Variants in DSG4 observed in about 807,000 individuals in gnomAD.
DSG4 encodes the protein desmoglein-4.
In DSG4, 87 loss-of-function variants were observed where a neutral mutation model predicts 93.1. The ratio of observed to expected loss-of-function variants is 0.93; its 90% CI spans 0.79 to 1.12. DSG4 has a LOEUF of 1.12. Among genes scored for constraint, DSG4 ranks in the 50% most tolerant of loss-of-function variants. The pLI is 0.00. For missense variants in DSG4, 1,373 were observed against 1,285.7 expected, an observed-to-expected ratio of 1.07 and a Z score of -1.04; for synonymous variants, 432 against 452.9, an observed-to-expected ratio of 0.95 and a Z score of 0.59.
rs76399598 is a variant in DSG4, at chr18:31,388,918, G to T, written c.417G>T (p.Arg139Ser). ...ATTCACGGGGTGAAGATTTAGAAAG[G>T]CCTCTTGAGCTTAGAGTCAAAGTTA... ...ALNSRGEDLE[R>S]PLELRVKVMD... is the part of the protein sequence containing the mutation. Residue 139 changes from arginine to serine, a missense_variant, in exon 5 of 16, where the codon AGG (arginine) becomes AGT (serine). By Grantham distance (110) the Arg-to-Ser change is moderately radical (BLOSUM62 -1). Coordinates refer to ENST00000308128, the MANE Select transcript of DSG4 (RefSeq NM_177986.5). 5.6e-6 allele frequency: 9 copies of T among 1,613,628 alleles called. No homozygotes were observed. Among genetic ancestry groups the T allele is most frequent in the East Asian group, 2.2e-5 (1 of 44,844 alleles).
At chr18:31,394,367 C>T (rs756470308) in intron 8 of DSG4, among the ~76,000 whole-genome samples, 10 of 152,246 alleles carry the variant, frequency 6.6e-5, no homozygotes, top group Non-Finnish European at 1.2e-4. Flanking sequence ...CACCTGAAGT[C>T]GGGAGTTTGA....
At chr18:31,402,093 A>G (rs975523431) in intron 10 of DSG4, among the ~76,000 whole-genome samples, 1 of 152,224 alleles carries the variant, frequency 6.6e-6, no homozygotes, top group African/African-American at 2.4e-5. Context: ...TTCAAATGCT[A>G]GAATAAATAA....
chr18:31,412,772 C>A, intron 15 of DSG4, 56 bp from the exon 16 acceptor site: 3 of 1,592,614 alleles, frequency 1.9e-6, no homozygotes, highest in Non-Finnish European at 2.6e-6. Flanking sequence ...TGCTGTTATT[C>A]TTCCTTATTT....
intron 2 of DSG4, among the ~76,000 whole-genome samples, chr18:31,386,466 C>T (rs143911363): frequency 6.6e-6 from 1 of 152,126 alleles, no homozygotes; most frequent in Admixed American, 6.6e-5. Context: ...ATTTGTTTCA[C>T]TAGAATCAAA....
chr18:31,411,296 A>G lies in DSG4; in HGVS notation c.2203A>G (p.Asn735Asp), dbSNP rs2072486506. The G allele has an allele frequency of 6.2e-7, 1 of 1,612,742 alleles. No homozygotes were observed. The highest frequency in any genetic ancestry group is 2.2e-5 in the East Asian group (1 of 44,866). Residue 735 changes from asparagine to aspartate, a missense_variant, in exon 15 of 16, where the codon AAC becomes GAC. Transcript: ENST00000308128. The part of the protein sequence containing the change: ...VEGGVSGVEL[N>D]TGMGTAVGLM... Reference sequence around the variant, plus strand: ...AGGAGGTGTATCGGGAGTGGAGCTCAACACAGGTATGGGGACAGCCGTTGG... The same window carrying G: ...AGGAGGTGTATCGGGAGTGGAGCTCGACACAGGTATGGGGACAGCCGTTGG...
chr18:31,377,361 G>C (rs189278256), intron 1 of DSG4, among the ~76,000 whole-genome samples: 1 of 152,240 alleles, frequency 6.6e-6, no homozygotes, highest in East Asian at 1.9e-4. Context: ...CTTTTCAATA[G>C]TTATTTCCCT....
chr18:31,402,563 A>G (rs773450839), intron 10 of DSG4, among the ~76,000 whole-genome samples: 15 of 152,192 alleles, frequency 9.9e-5, no homozygotes, highest in Non-Finnish European at 1.6e-4. Context: ...AGTTACCTCA[A>G]TGACTACTAC....
chr18:31,377,105 A>C, intron 1 of DSG4, 146 bp downstream of exon 1: 2 of 929,568 alleles, frequency 2.2e-6, no homozygotes, highest in Non-Finnish European at 3.4e-6. Context: ...TGTTAATTTC[A>C]AACAACTCTC....
chr18:31,411,583 A>G lies in DSG4; in HGVS notation c.2355+135A>G, dbSNP rs1340152771. The G allele has an allele frequency of 3.6e-6, 4 of 1,104,346 alleles. No homozygotes were observed. In the East Asian group the frequency reaches 1.0e-4, roughly 28 times the overall value. 68.4% of individuals were successfully genotyped at this position (1,104,346 alleles called of 1,614,324 possible). A position where few individuals can be genotyped will look rare whatever the true frequency, so the allele number is the denominator to read the frequency against. ...CCTATCCCAAACCTGAATAAAAAGT[A>G]TTTCACGTCTCCTTAAAACACAAAA... On this transcript the variant is annotated intron_variant, in intron 15 of 15. Transcript: ENST00000308128.
chr18:31,412,857 A>C lies in DSG4; in HGVS notation c.2385A>C (p.Glu795Asp). The C allele has an allele frequency of 6.2e-7, 1 of 1,614,218 alleles. No individual in the cohort carries two copies. The highest frequency in any genetic ancestry group is 8.5e-7 in the Non-Finnish European group (1 of 1,180,028). Reference sequence around the variant, plus strand: ...CGTATGCTTATGCAGATGAAGATGAAGGTCGACCAGCCAATGACTGCTTGC... The same window carrying C: ...CGTATGCTTATGCAGATGAAGATGACGGTCGACCAGCCAATGACTGCTTGC... Reference protein sequence around the residue: ...EKAYAYADEDEGRPANDCLLI... With the variant: ...EKAYAYADEDDGRPANDCLLI... Residue 795 changes from glutamate (E) to aspartate (D), a missense_variant, in exon 16 of 16, where the codon GAA becomes GAC. Transcript: ENST00000308128.
At position 31,403,437 on chromosome 18, in the gene DSG4, C is replaced by T. The variant is rs767343772; in HGVS notation, c.1439C>T (p.Thr480Ile). ...TCAGATGGCTCTGGAAAAACAGCTA[C>T]AGGAACCATATGTATTGAGGTTCCT... is the stretch of plus-strand genomic sequence containing the variant. ...AIDDGSGKTA[T>I]GTICIEVPDI... The change falls in exon 11 of 16, where the codon ACA becomes ATA. Residue 480 changes from threonine (T) to isoleucine (I), a missense_variant. Transcript: ENST00000308128. The T allele has an allele frequency of 6.2e-7, 1 of 1,613,176 alleles. No homozygotes were observed. The highest frequency in any genetic ancestry group is 8.5e-7 in the Non-Finnish European group (1 of 1,179,564).
intron 8 of DSG4, among the ~76,000 whole-genome samples, chr18:31,394,263 C>T (rs904283149): frequency 4.6e-5 from 7 of 152,114 alleles, no homozygotes; most frequent in Admixed American, 4.6e-4. Context: ...CCAAGGAAAG[C>T]TTTGGGATAT....
At position 31,413,218 on chromosome 18, in the gene DSG4, C is replaced by A. The variant is rs2072516542; in HGVS notation, c.2746C>A (p.Pro916Thr). ...GACTGAGACTTACGGTAATGCTGAT[C>A]CATGTGTGCAACCCACTACAATTAT... is the stretch of plus-strand genomic sequence containing the variant. Reference protein sequence around the residue: ...IVTETYGNADPCVQPTTIIFD... With the variant: ...IVTETYGNADTCVQPTTIIFD... Residue 916 changes from proline to threonine, a missense_variant, in exon 16 of 16, where the codon CCA becomes ACA. Physicochemically the swap from Pro to Thr is conservative, Grantham distance 38. Coordinates refer to ENST00000308128, the MANE Select transcript of DSG4 (RefSeq NM_177986.5). 1 of 1,614,120 alleles carries A rather than the reference C, an allele frequency of 6.2e-7. No homozygotes were observed. The highest frequency in any genetic ancestry group is 8.5e-7 in the Non-Finnish European group (1 of 1,180,034).
chr18:31,400,451 T>C (rs1031730), intron 9 of DSG4, among the ~76,000 whole-genome samples: 149,459 of 152,266 alleles, frequency 0.98, 73,361 homozygotes, highest in East Asian at 1. Context: ...ACAGAGGATA[T>C]CACAAGCCCC....
chr18:31,404,149 C>G (rs1048784189), intron 11 of DSG4, among the ~76,000 whole-genome samples: 4 of 151,944 alleles, frequency 2.6e-5, no homozygotes, highest in Non-Finnish European at 5.9e-5. Flanking sequence ...AATTTAAATC[C>G]AAATTGCTCA....
At chr18:31,409,242 G>C (rs944773697) in intron 12 of DSG4, among the ~76,000 whole-genome samples, 1 of 152,128 alleles carries the variant, frequency 6.6e-6, no homozygotes, top group African/African-American at 2.4e-5. Context: ...GCCATCTAGC[G>C]CTAAAGTTCT....
At chr18:31,410,693 G>A (rs2072477728) in intron 14 of DSG4, among the ~76,000 whole-genome samples, 2 of 152,144 alleles carry the variant, frequency 1.3e-5, no homozygotes, top group Non-Finnish European at 2.9e-5. Flanking sequence ...GGCAATGATT[G>A]CACCAAACAG....
chr18:31,385,221 G>T (rs2072175072), intron 2 of DSG4, 50 bp downstream of exon 2: 3 of 1,320,678 alleles, frequency 2.3e-6, no homozygotes, highest in African/African-American at 3.0e-5. Context: ...AACAAAAACT[G>T]AATTTTGTAA....
Position 31,391,152 on chromosome 18 carries a change from T to TGAC in DSG4, c.760_762dup (p.Asp254dup). On this transcript the variant is annotated inframe_insertion, in exon 7 of 16. Coordinates refer to ENST00000308128, the MANE Select transcript of DSG4 (RefSeq NM_177986.5). ...CTGCAGATGGACTGTCTTCTGAGTG[T>TGAC]GACTGTAGAATCAAGGTTTTAGACG... 1.9e-6 allele frequency: 3 copies of TGAC among 1,613,812 alleles called. No individual in the cohort carries two copies. The highest frequency in any genetic ancestry group is 2.5e-6 in the Non-Finnish European group (3 of 1,179,792).
Sources: allele counts gnomAD v4.1 joint callset (sites outside exome capture counted in the v4.1 genomes callset), GRCh38; gene constraint gnomAD v4.1.1; transcripts MANE v1.5; gene names NCBI Gene and HGNC (gene_info 2026-07-23, HGNC 2026-07-21).